LAMA3: variants seen among roughly 807,000 people sequenced by gnomAD.
LAMA3 encodes laminin subunit alpha 3, also known as laminin subunit alpha-3.
LAMA3 carries 281 observed loss-of-function variants against 402.0 expected under a neutral mutation model. The observed-to-expected ratio is 0.70, with a 90% CI of 0.63 to 0.77. LAMA3 has a LOEUF of 0.77. LAMA3 is among the 30% of genes least tolerant of loss of function. The pLI, the probability that LAMA3 is intolerant of heterozygous loss-of-function variation, is 0.00. For synonymous variants in LAMA3, 1,431 were observed against 1,558.4 expected (o/e 0.92, Z 1.93); for missense variants, 3,840 against 4,215.5 (o/e 0.91, Z 2.47).
At chr18:23,887,839 C>G (rs2080492090) in intron 41 of LAMA3, among the ~76,000 whole-genome samples, 1 of 152,212 alleles carries the variant, frequency 6.6e-6, no homozygotes, top group Non-Finnish European at 1.5e-5. Context: ...ATTTTCTGCT[C>G]TTTATTTGTT....
At chr18:23,953,198 G>A (rs2082981839) in intron 74 of LAMA3, 89 bp downstream of exon 74, 2 of 1,547,266 alleles carry the variant, frequency 1.3e-6, no homozygotes, top group Non-Finnish European at 1.8e-6. Flanking sequence ...GCTCTTGGCT[G>A]GACAGTGGAG....
At chr18:23,699,758 G>A (rs1187750858) in intron 1 of LAMA3, among the ~76,000 whole-genome samples, 2 of 152,162 alleles carry the variant, frequency 1.3e-5, no homozygotes, top group East Asian at 1.9e-4. Flanking sequence ...AGAGGCGTTC[G>A]AACTAGAGAG....
Position 23,689,951 on chromosome 18 carries a change from GC to G in LAMA3, c.272del (p.Pro91GlnfsTer67). ...LYCKLVGGPT[A>X]PGSGHTIQGQ... Reference sequence around the variant, plus strand: ...CTGCAAGTTGGTCGGGGGCCCCACCGCCCCAGGCAGCGGCCACACCATCCAG... The same window carrying G: ...CTGCAAGTTGGTCGGGGGCCCCACCGCCCAGGCAGCGGCCACACCATCCAG... On this transcript the variant is annotated frameshift_variant, in exon 1 of 75. Transcript: ENST00000313654. LOFTEE classifies it high-confidence loss of function. 1 of 1,517,984 alleles carries G rather than the reference GC, an allele frequency of 6.6e-7. No individual in the cohort carries two copies. Among genetic ancestry groups the G allele is most frequent in the Non-Finnish European group, 8.8e-7 (1 of 1,132,536 alleles). 94.0% of individuals were successfully genotyped at this position (1,517,984 alleles called of 1,614,324 possible). A position where few individuals can be genotyped will look rare whatever the true frequency, so the allele number is the denominator to read the frequency against.
At chr18:23,854,159 G>T (rs147500625) in intron 32 of LAMA3, among the ~76,000 whole-genome samples, 97 of 152,230 alleles carry the variant, frequency 6.4e-4, no homozygotes, top group South Asian at 1.2e-3. Flanking sequence ...CTCAGAGCTT[G>T]GTCCTATATT....
intron 2 of LAMA3, among the ~76,000 whole-genome samples, chr18:23,736,382 G>A (rs1032061020): frequency 1.3e-5 from 2 of 150,152 alleles, no homozygotes; most frequent in East Asian, 3.9e-4. Context: ...ACTATAGGGT[G>A]GTATTTGTAT....
Position 23,713,915 on chromosome 18 carries a change from T to C in LAMA3, c.295-5T>C, listed in dbSNP as rs75222452. The stretch of plus-strand genomic sequence containing the variant: ...AACAAAAAAAACCCACTTTTTTTTT[T>C]TCAGGGCCAGTTCTGTGACTATTGC... On this transcript the variant is annotated splice_region_variant and splice_polypyrimidine_tract_variant and intron_variant, in intron 1 of 74. Coordinates refer to ENST00000313654, the MANE Select transcript of LAMA3 (RefSeq NM_198129.4). 6.2e-7 allele frequency: 1 copy of C among 1,606,658 alleles called. No individual in the cohort carries two copies. The highest frequency in any genetic ancestry group is 8.5e-7 in the Non-Finnish European group (1 of 1,178,212).
At chr18:23,867,076 G>A (rs1226674845) in intron 36 of LAMA3, among the ~76,000 whole-genome samples, 1 of 152,112 alleles carries the variant, frequency 6.6e-6, no homozygotes, top group African/African-American at 2.4e-5. Context: ...GGTCCCACAG[G>A]GGGAGGCAGC....
intron 23 of LAMA3, among the ~76,000 whole-genome samples, chr18:23,829,397 T>C (rs954542576): frequency 3.2e-4 from 49 of 152,358 alleles, no homozygotes; most frequent in African/African-American, 1.1e-3. Context: ...AATGAGAGGT[T>C]TTTATCCTCT....
intron 41 of LAMA3, among the ~76,000 whole-genome samples, chr18:23,887,240 G>A (rs2065101090): frequency 6.6e-6 from 1 of 152,174 alleles, no homozygotes. Flanking sequence ...AATAGCGAGA[G>A]ATGGGAGAAC....
At chr18:23,782,900 G>T (rs918219142) in intron 11 of LAMA3, among the ~76,000 whole-genome samples, 2 of 151,376 alleles carry the variant, frequency 1.3e-5, no homozygotes, top group Admixed American at 6.6e-5. Flanking sequence ...GGAATAATGT[G>T]TGCTGGCCCT....
At chr18:23,757,715 C>T (rs2061879972) in intron 6 of LAMA3, among the ~76,000 whole-genome samples, 1 of 152,200 alleles carries the variant, frequency 6.6e-6, no homozygotes, top group South Asian at 2.1e-4. Flanking sequence ...CTTTCAAGTA[C>T]GGAAGGAGGG....
At position 23,842,768 on chromosome 18, in the gene LAMA3, C is replaced by T; in HGVS notation, c.3603+18C>T. 1 of 1,614,014 alleles carries T rather than the reference C, an allele frequency of 6.2e-7. No homozygotes were observed. The highest frequency in any genetic ancestry group is 8.5e-7 in the Non-Finnish European group (1 of 1,179,986). ...TGGTTTTGGTGCGTTCCACTCGTTC[C>T]TCAACTTGCTCCTCACATGCCTGCC... On this transcript the variant is annotated intron_variant, in intron 29 of 74. Transcript: ENST00000313654.
intron 8 of LAMA3, among the ~76,000 whole-genome samples, chr18:23,766,236 G>A (rs1353957445): frequency 6.6e-6 from 1 of 152,172 alleles, no homozygotes; most frequent in African/African-American, 2.4e-5. Context: ...TAGTATGACT[G>A]TGGACTTTTT....
intron 38 of LAMA3, chr18:23,873,015 T>TGCTGA (rs1290952875): frequency 6.2e-7 from 1 of 1,613,916 alleles, no homozygotes. Context: ...CAGAGGTTCC[T>TGCTGA]GCGCAGCCAG....
At chr18:23,851,563 C>G (rs17187283) in intron 32 of LAMA3, among the ~76,000 whole-genome samples, 6,114 of 152,302 alleles carry the variant, frequency 0.04, 363 homozygotes, top group Admixed American at 0.16. Context: ...CTGATACACT[C>G]TGAGCACCCA....
intron 8 of LAMA3, among the ~76,000 whole-genome samples, 197 bp from the exon 9 acceptor site, chr18:23,773,300 T>C (rs1326034268): frequency 1.3e-5 from 2 of 152,208 alleles, no homozygotes; most frequent in Admixed American, 6.5e-5. Flanking sequence ...AAGAAAAAAA[T>C]TCCAGAGCCA....
chr18:23,885,150 C>T lies in LAMA3; in HGVS notation c.5303+297C>T, dbSNP rs566564603. 6.6e-5 allele frequency among the ~76,000 whole-genome samples: 10 copies of T among 151,402 alleles called. 1 individual carries two copies. In the South Asian group the frequency reaches 1.7e-3, roughly 25 times the overall value. On this transcript the variant is annotated intron_variant, in intron 41 of 74. Coordinates refer to ENST00000313654, the MANE Select transcript of LAMA3 (RefSeq NM_198129.4). ...CCCTGTGTACCTCAACCCCCGACAC[C>T]TCCCTACCTACCCCTCCTCCACAAT...
In LAMA3 at chr18:23,773,533, A is replaced by G; in HGVS notation, c.1219A>G (p.Lys407Glu). Residue 407 changes from lysine (K) to glutamate (E), a missense_variant, in exon 9 of 75, where the codon AAG becomes GAG. Transcript: ENST00000313654. ...TGGAGTAAACTGTGAACAGTGTGCT[A>G]AGGGCTATTACCGCCCTTATGGGGT... ...TAGVNCEQCA[K>E]GYYRPYGVPV... is the part of the protein sequence containing the mutation. The G allele has an allele frequency of 1.2e-6, 2 of 1,600,346 alleles. No homozygotes were observed. The highest frequency in any genetic ancestry group is 1.7e-6 in the Non-Finnish European group (2 of 1,171,650).
chr18:23,851,015 A>T (rs1326342520), intron 32 of LAMA3, among the ~76,000 whole-genome samples: 1 of 152,216 alleles, frequency 6.6e-6, no homozygotes, highest in African/African-American at 2.4e-5. Flanking sequence ...CTCCACTCAG[A>T]TTTACTAAGC....
Sources: gnomAD v4.1 joint callset for allele counts (sites outside exome capture counted in the v4.1 genomes callset) on GRCh38, gnomAD v4.1.1 for gene constraint, MANE v1.5 for transcripts, NCBI Gene and HGNC (gene_info 2026-07-23, HGNC 2026-07-21) for gene names.